Variants in RBFOX1 observed in about 807,000 individuals in gnomAD.
RBFOX1 encodes RNA binding fox-1 homolog 1, also known as RNA binding protein fox-1 homolog 1.
RBFOX1 carries 8 observed loss-of-function variants against 57.7 expected under a neutral mutation model. That is an observed-to-expected ratio of 0.14 (90% CI 0.08 to 0.25). The LOEUF (loss-of-function observed/expected upper bound fraction) is 0.25. RBFOX1 is among the 10% of genes least tolerant of loss of function. RBFOX1 has a pLI of 1.00. For missense variants in RBFOX1, 611 were observed against 548.5 expected (o/e 1.11, Z -1.14); for synonymous variants, 326 against 222.4 (o/e 1.47, Z -4.15).
intron 3 of RBFOX1, among the ~76,000 whole-genome samples, chr16:6,842,568 G>C (rs900199293): frequency 4.0e-5 from 6 of 151,122 alleles, no homozygotes; most frequent in Admixed American, 1.3e-4. Flanking sequence ...TGGCTCTGCA[G>C]TGTTCCATTG....
intron 3 of RBFOX1, among the ~76,000 whole-genome samples, chr16:6,658,388 T>A (rs1316786277): frequency 6.6e-6 from 1 of 151,942 alleles, no homozygotes; most frequent in African/African-American, 2.4e-5. Context: ...TTTGTATTCT[T>A]AGTAGAGGTG....
intron 4 of RBFOX1, among the ~76,000 whole-genome samples, chr16:7,241,918 CAT>C (rs778628146): frequency 1.3e-5 from 2 of 151,906 alleles, no homozygotes; most frequent in Non-Finnish European, 2.9e-5. Flanking sequence ...TACATGAGTG[CAT>C]ATATACCTAA....
intron 3 of RBFOX1, among the ~76,000 whole-genome samples, chr16:6,949,784 C>G (rs2080314494): frequency 1.3e-5 from 2 of 149,412 alleles, no homozygotes; most frequent in African/African-American, 2.4e-5. Context: ...GGGAATTGTT[C>G]ATTTTCTTCT....
chr16:5,561,775 C>T (rs1020530855), intron 2 of RBFOX1, among the ~76,000 whole-genome samples: 2 of 152,082 alleles, frequency 1.3e-5, no homozygotes, highest in African/African-American at 4.8e-5. Flanking sequence ...GTCACTTGTT[C>T]TACCCTGAGA....
rs189961103 is a variant in RBFOX1 at position 5,845,898 on chromosome 16, C to T, written c.319-21405C>T. Among the ~76,000 whole-genome samples the T allele has an allele frequency of 1.2e-3, 178 of 152,176 alleles. 2 individuals are homozygous for T. Among genetic ancestry groups the T allele is most frequent in the African/African-American group, 4.0e-3 (167 of 41,538 alleles). On this transcript the variant is annotated intron_variant, in intron 3 of 19. Coordinates refer to the RBFOX1 transcript ENST00000641259. ...AGAATTTTGTGAGAAAATGGCCTGG[C>T]GTGGTGGCTCACGCCTGTAATACCT...
intron 1 of RBFOX1, among the ~76,000 whole-genome samples, chr16:5,458,597 G>C (rs2068699682): frequency 6.6e-6 from 1 of 152,168 alleles, no homozygotes; most frequent in Non-Finnish European, 1.5e-5. Flanking sequence ...GCCTAGACTG[G>C]GCCATCCCAG....
Position 7,276,693 on chromosome 16 carries a change from G to T in RBFOX1, c.27+224595G>T, listed in dbSNP as rs1186399398. 3.3e-5 allele frequency among the ~76,000 whole-genome samples: 5 copies of T among 152,148 alleles called. No homozygotes were observed. The South Asian group carries it at 8.3e-4, about 25-fold the overall frequency. ...CCTCAGTTCATCATTATTCTGCACT[G>T]AGTTATGTAATGATTTGATCGTGTT... On this transcript the variant is annotated intron_variant, in intron 4 of 15. Transcript: ENST00000550418.
chr16:6,700,652 T>G (rs1380039497), intron 3 of RBFOX1, among the ~76,000 whole-genome samples: 3 of 151,850 alleles, frequency 2.0e-5, no homozygotes, highest in African/African-American at 7.3e-5. Context: ...AAACGAAACT[T>G]CATCTCAAAA....
At chr16:7,089,154 A>G (rs2060432406) in intron 4 of RBFOX1, among the ~76,000 whole-genome samples, 3 of 152,086 alleles carry the variant, frequency 2.0e-5, no homozygotes, top group African/African-American at 7.2e-5. Flanking sequence ...GTTTTGCACA[A>G]TTTAGTACAA....
chr16:6,934,340 A>C (rs533089759), intron 3 of RBFOX1, among the ~76,000 whole-genome samples: 4 of 152,206 alleles, frequency 2.6e-5, no homozygotes, highest in Non-Finnish European at 4.4e-5. Context: ...AATACAGAAT[A>C]CGTATTTATG....
At chr16:5,762,184 A>G (rs2053616860) in intron 3 of RBFOX1, among the ~76,000 whole-genome samples, 1 of 152,220 alleles carries the variant, frequency 6.6e-6, no homozygotes, top group African/African-American at 2.4e-5. Context: ...TCTTCATCCT[A>G]GACTTAATTA....
At chr16:6,642,074 A>G (rs904639476) in intron 2 of RBFOX1, among the ~76,000 whole-genome samples, 6 of 152,148 alleles carry the variant, frequency 3.9e-5, no homozygotes, top group South Asian at 2.1e-4. Context: ...GGGTGCAGCT[A>G]CGGAGAGGGT....
chr16:6,635,605 G>C lies in RBFOX1; in HGVS notation c.-63-18998G>C, dbSNP rs77199382. Among the ~76,000 whole-genome samples the C allele has an allele frequency of 7.8e-3, 1,189 of 152,254 alleles. 22 individuals carry two copies. The highest frequency in any genetic ancestry group is 0.027 in the African/African-American group (1,103 of 41,554). ...TGACAGGGAGCATAGGGTCTGGGAG[G>C]AACATACTAGAATATGAGTCTAGGA... On this transcript the variant is annotated intron_variant, in intron 2 of 15. Coordinates refer to ENST00000550418, the MANE Select transcript of RBFOX1 (RefSeq NM_018723.4).
intron 4 of RBFOX1, among the ~76,000 whole-genome samples, chr16:5,939,634 A>G (rs960939654): frequency 2.0e-5 from 3 of 152,140 alleles, no homozygotes; most frequent in African/African-American, 4.8e-5. Flanking sequence ...CACTTTTTCC[A>G]TATTCTATTT....
chr16:6,114,577 G>A (rs1266393486), intron 1 of RBFOX1, among the ~76,000 whole-genome samples: 1 of 151,572 alleles, frequency 6.6e-6, no homozygotes, highest in Non-Finnish European at 1.5e-5. Flanking sequence ...TGGAGGGGGC[G>A]TAACTTATGG....
intron 3 of RBFOX1, among the ~76,000 whole-genome samples, chr16:6,812,874 A>T (rs990651261): frequency 6.6e-6 from 1 of 152,182 alleles, no homozygotes; most frequent in Non-Finnish European, 1.5e-5. Context: ...GAAGCCCCTG[A>T]GTCCTTTGTC....
chr16:5,801,939 C>T lies in RBFOX1; in HGVS notation c.319-65364C>T, dbSNP rs2055071312. Among the ~76,000 whole-genome samples, 3 of 152,216 alleles carry T rather than the reference C, an allele frequency of 2.0e-5. No homozygotes were observed. The South Asian group carries it at 6.2e-4, about 32-fold the overall frequency. On this transcript the variant is annotated intron_variant, in intron 3 of 19. Coordinates refer to the RBFOX1 transcript ENST00000641259. ...AAAGGAAAGCGAATTCCCCTCTCCC[C>T]CGGAGGGTTGGACGTGTGTGCTTTT...
chr16:7,008,535 G>C (rs973905001), intron 3 of RBFOX1, among the ~76,000 whole-genome samples: 1 of 151,466 alleles, frequency 6.6e-6, no homozygotes, highest in East Asian at 1.9e-4. Flanking sequence ...GCAAGACTTT[G>C]TCTCAAAAAA....
intron 3 of RBFOX1, among the ~76,000 whole-genome samples, chr16:6,868,742 A>G (rs1460507713): frequency 6.6e-6 from 1 of 152,164 alleles, no homozygotes; most frequent in Admixed American, 6.5e-5. Context: ...AAGTGCTGAG[A>G]TTATAGGCAT....
Sources: gnomAD v4.1 joint callset for allele counts (sites outside exome capture counted in the v4.1 genomes callset) on GRCh38, gnomAD v4.1.1 for gene constraint, MANE v1.5 for transcripts, NCBI Gene and HGNC (gene_info 2026-07-23, HGNC 2026-07-21) for gene names.